The following TSPAN18 variants were observed in gnomAD, a reference collection of about 807,000 sequenced individuals.
The protein encoded by TSPAN18 is tetraspanin 18, also known as tetraspanin-18.
A neutral mutation model predicts 27.3 loss-of-function variants in TSPAN18; 14 were observed. The observed-to-expected ratio is 0.51, with a 90% CI of 0.34 to 0.80. The LOEUF (loss-of-function observed/expected upper bound fraction) is 0.80, where lower values mean the gene tolerates loss of function less well. Ranked by LOEUF, TSPAN18 falls within the 30% of genes least tolerant of loss-of-function variation. TSPAN18 has a pLI of 0.01. For missense variants in TSPAN18, 268 were observed against 323.9 expected (o/e 0.83, Z 1.32); for synonymous variants, 143 against 136.5 (o/e 1.05, Z -0.33).
chr11:44,870,776 G>C (rs977541281), intron 3 of TSPAN18, among the ~76,000 whole-genome samples: 2 of 152,114 alleles, frequency 1.3e-5, no homozygotes, highest in African/African-American at 4.8e-5. Context: ...CAAACACATT[G>C]TTTAACACCT....
At chr11:44,892,084 G>A (rs76967469) in intron 3 of TSPAN18, among the ~76,000 whole-genome samples, 3,605 of 151,860 alleles carry the variant, frequency 0.024, 59 homozygotes, top group Non-Finnish European at 0.038. Context: ...GGGAGGCTGC[G>A]GGGCTGTCTG....
At chr11:44,814,002 C>A (rs1856772393) in intron 2 of TSPAN18, among the ~76,000 whole-genome samples, 1 of 152,170 alleles carries the variant, frequency 6.6e-6, no homozygotes, top group African/African-American at 2.4e-5. Context: ...TATAAAGCAG[C>A]AAAGCCACTT....
At chr11:44,759,311 TACA>T (rs1311283988) in intron 1 of TSPAN18, among the ~76,000 whole-genome samples, 3 of 152,194 alleles carry the variant, frequency 2.0e-5, no homozygotes, top group Admixed American at 6.5e-5. Context: ...GATCTATGGA[TACA>T]ACAAGTGGTA....
chr11:44,787,799 A>G (rs751298972), intron 2 of TSPAN18, among the ~76,000 whole-genome samples: 9 of 152,170 alleles, frequency 5.9e-5, no homozygotes, highest in Non-Finnish European at 1.2e-4. Flanking sequence ...GGGGATCTGT[A>G]GCAGTCCTTT....
At chr11:44,862,104 A>G (rs985793563) in intron 3 of TSPAN18, among the ~76,000 whole-genome samples, 1 of 151,920 alleles carries the variant, frequency 6.6e-6, no homozygotes, top group African/African-American at 2.4e-5. Context: ...CAGAAGACCA[A>G]CCGCAGCCTT....
At chr11:44,790,151 GCA>G in intron 2 of TSPAN18, among the ~76,000 whole-genome samples, 1 of 133,270 alleles carries the variant, frequency 7.5e-6, no homozygotes, top group East Asian at 6.2e-4. Context: ...CCGCGTGTGT[GCA>G]TGTGTGTGTG....
chr11:44,780,578 A>G (rs541837852), intron 2 of TSPAN18, among the ~76,000 whole-genome samples: 23 of 152,308 alleles, frequency 1.5e-4, no homozygotes, highest in African/African-American at 5.5e-4. Flanking sequence ...CACCAACTTC[A>G]TCATTTCCTT....
chr11:44,878,684 T>A (rs1287580939), intron 3 of TSPAN18, among the ~76,000 whole-genome samples: 1 of 152,232 alleles, frequency 6.6e-6, no homozygotes, highest in Non-Finnish European at 1.5e-5. Flanking sequence ...CCTACTTTTT[T>A]ATTTAAACAT....
Position 44,906,587 on chromosome 11 carries a change from G to A in TSPAN18, c.63+108G>A, listed in dbSNP as rs189024080. On this transcript the variant is annotated intron_variant, in intron 4 of 9. Coordinates refer to ENST00000520358, the MANE Select transcript of TSPAN18 (RefSeq NM_130783.5). ...CCCTGGGGCGAGCACAGGGGCCGGC[G>A]CTAGAGGCAGGGGTACCTGCCAGCC... 796 of 1,050,912 alleles carry A rather than the reference G, an allele frequency of 7.6e-4. 6 individuals are homozygous for A. In the African/African-American group the frequency reaches 0.01, roughly 13 times the overall value. 65.1% of individuals were successfully genotyped at this position (1,050,912 alleles called of 1,614,324 possible).
chr11:44,906,545 G>C, intron 4 of TSPAN18, 66 bp downstream of exon 4: 2 of 1,440,796 alleles, frequency 1.4e-6, no homozygotes, highest in East Asian at 4.5e-5. Context: ...CTTTGAAATA[G>C]TCACACTGGG....
In TSPAN18 at chr11:44,827,217, C is replaced by G. The variant is rs140053991; in HGVS notation, c.-152-33111C>G. 1.4e-3 allele frequency among the ~76,000 whole-genome samples: 217 copies of G among 152,364 alleles called. 1 individual carries two copies. The highest frequency in any genetic ancestry group is 4.7e-3 in the African/African-American group (195 of 41,588). The stretch of plus-strand genomic sequence containing the variant: ...TATAATCTGTCCTCTGAGCCTGTCC[C>G]AGGAGCTCTAGGCCCCGGAGTTGCT... On this transcript the variant is annotated intron_variant, in intron 2 of 9. Coordinates refer to ENST00000520358, the MANE Select transcript of TSPAN18 (RefSeq NM_130783.5).
intron 3 of TSPAN18, among the ~76,000 whole-genome samples, chr11:44,879,748 C>T (rs992941588): frequency 6.6e-6 from 1 of 152,216 alleles, no homozygotes; most frequent in Non-Finnish European, 1.5e-5. Context: ...AAGTAAATGA[C>T]AGCATGGGGG....
chr11:44,753,786 G>A (rs978862794), intron 1 of TSPAN18, among the ~76,000 whole-genome samples: 13 of 152,168 alleles, frequency 8.5e-5, no homozygotes, highest in Non-Finnish European at 1.0e-4. Context: ...GTTAGGGATC[G>A]GCAGGGACTC....
intron 2 of TSPAN18, among the ~76,000 whole-genome samples, chr11:44,820,954 A>G (rs887057569): frequency 3.9e-5 from 6 of 152,196 alleles, no homozygotes; most frequent in Non-Finnish European, 8.8e-5. Context: ...ATGCTGTGCC[A>G]TGCTTGTACA....
Position 44,800,362 on chromosome 11 carries a change from G to A in TSPAN18, c.-153+35850G>A, listed in dbSNP as rs531246863. 6.6e-5 allele frequency among the ~76,000 whole-genome samples: 10 copies of A among 152,256 alleles called. 1 individual carries two copies. Among genetic ancestry groups the A allele is most frequent in the Admixed American group, 3.3e-4 (5 of 15,304 alleles). ...AGGCCCCAGAGCTGGGGGATCTGGC[G>A]GATCTGGGGTTGGAGCCTCTTCTGC... On this transcript the variant is annotated intron_variant, in intron 2 of 9. Transcript: ENST00000520358.
At chr11:44,824,101 G>C (rs57026922) in intron 2 of TSPAN18, among the ~76,000 whole-genome samples, 75 of 152,186 alleles carry the variant, frequency 4.9e-4, no homozygotes, top group Admixed American at 1.1e-3. Context: ...AGCCTGCCTC[G>C]CTACCATCAT....
intron 3 of TSPAN18, among the ~76,000 whole-genome samples, chr11:44,881,754 G>A (rs1858495056): frequency 6.6e-6 from 1 of 152,202 alleles, no homozygotes; most frequent in African/African-American, 2.4e-5. Context: ...GGTGAATTCA[G>A]ACCAGGGCCA....
intron 2 of TSPAN18, among the ~76,000 whole-genome samples, chr11:44,794,085 G>C (rs1008031863): frequency 3.3e-5 from 5 of 152,192 alleles, no homozygotes; most frequent in African/African-American, 1.2e-4. Context: ...TCAGCCATTA[G>C]AGGAGGGAGA....
intron 2 of TSPAN18, among the ~76,000 whole-genome samples, chr11:44,835,442 C>T (rs528959655): frequency 3.3e-5 from 5 of 152,276 alleles, no homozygotes; most frequent in African/African-American, 7.2e-5. Context: ...AGATCTTCTT[C>T]GTATTTCCTG....
Sources: allele counts gnomAD v4.1 joint callset (sites outside exome capture counted in the v4.1 genomes callset), GRCh38; gene constraint gnomAD v4.1.1; transcripts MANE v1.5; gene names NCBI Gene and HGNC (gene_info 2026-07-23, HGNC 2026-07-21).